Variants in ADAMTS16 observed in about 807,000 individuals in gnomAD.
The protein encoded by ADAMTS16 is ADAM metallopeptidase with thrombospondin type 1 motif 16.
Under a neutral mutation model 145.8 loss-of-function variants are expected in ADAMTS16, and 94 were observed. That is an observed-to-expected ratio of 0.64 (90% CI 0.55 to 0.77). The LOEUF is 0.77. Ranked by LOEUF, ADAMTS16 falls within the 30% of genes least tolerant of loss-of-function variation. The probability of loss-of-function intolerance (pLI) is 0.00; values close to 1 mark genes in which losing one functional copy is unlikely to be tolerated. For missense variants in ADAMTS16, 1,585 were observed against 1,591.5 expected (o/e 1.00, Z 0.07); for synonymous variants, 659 against 604.3 (o/e 1.09, Z -1.33).
chr5:5,217,926 C>T (rs1736481908), intron 10 of ADAMTS16, among the ~76,000 whole-genome samples: 1 of 152,142 alleles, frequency 6.6e-6, no homozygotes, highest in African/African-American at 2.4e-5. Flanking sequence ...CATAAGCCGC[C>T]AGAATTGCTT....
rs565962095 is a variant in ADAMTS16, at chr5:5,317,055, G to T, written c.3412-1079G>T. Reference sequence around the variant, plus strand: ...AGAGAGACCACCTCAAATGGTCTGGGTGGAGGGGCGGTGCTTTCAAATGCA... The same window carrying T: ...AGAGAGACCACCTCAAATGGTCTGGTTGGAGGGGCGGTGCTTTCAAATGCA... On this transcript the variant is annotated intron_variant, in intron 21 of 22. Transcript: ENST00000274181. The surrounding 1 kb of genome is among the most constrained non-coding windows in gnomAD (Gnocchi z 4.5). 1.3e-5 allele frequency among the ~76,000 whole-genome samples: 2 copies of T among 152,316 alleles called. No individual in the cohort carries two copies. Among genetic ancestry groups the T allele is most frequent in the Middle Eastern group, 3.4e-3 (1 of 294 alleles).
chr5:5,313,172 G>C (rs1051499112), intron 21 of ADAMTS16, among the ~76,000 whole-genome samples: 1 of 152,122 alleles, frequency 6.6e-6, no homozygotes, highest in Non-Finnish European at 1.5e-5. Flanking sequence ...ATGTTCTGAG[G>C]TTGTAACTTT....
At chr5:5,148,042 C>T (rs1252545359) in intron 3 of ADAMTS16, among the ~76,000 whole-genome samples, 1 of 151,902 alleles carries the variant, frequency 6.6e-6, no homozygotes, top group Non-Finnish European at 1.5e-5. Flanking sequence ...GAAAAGTTAA[C>T]AGTAAAGTAA....
At position 5,317,611 on chromosome 5, in the gene ADAMTS16, T is replaced by C. The variant is rs1734106978; in HGVS notation, c.3412-523T>C. On this transcript the variant is annotated intron_variant, in intron 21 of 22. Transcript: ENST00000274181. This position sits in a 1 kb window ranked among gnomAD's most constrained non-coding sequence, Gnocchi z 4.5. ...CGGGGTTTCATCATGTTGCCCAGGC[T>C]GATCTCGAACTCCTGACCTCAGGTG... Among the ~76,000 whole-genome samples, 1 of 152,140 alleles carries C rather than the reference T, an allele frequency of 6.6e-6. No homozygotes were observed. Among genetic ancestry groups the C allele is most frequent in the Non-Finnish European group, 1.5e-5 (1 of 68,034 alleles).
In ADAMTS16 at chr5:5,306,715, C is replaced by T. The variant is rs773748656; in HGVS notation, c.3398C>T (p.Ser1133Leu). 23 of 1,609,860 alleles carry T rather than the reference C, an allele frequency of 1.4e-5. No homozygotes were observed. The highest frequency in any genetic ancestry group is 1.3e-4 in the South Asian group (12 of 90,730). The change falls in exon 21 of 23, where the codon TCA becomes TTA. Residue 1133 changes from serine to leucine, a missense_variant. Coordinates refer to ENST00000274181, the MANE Select transcript of ADAMTS16 (RefSeq NM_139056.4). ...CCCTCGAGGGGCAGCTGGTTTGCCT[C>T]ACCCTGGTCTCAGGTAGGGGAGGCC... ...AGPSRGSWFA[S>L]PWSQCTASCG...
In ADAMTS16 at chr5:5,186,248, C is replaced by T; in HGVS notation, c.960C>T (p.Asn320=). The part of the protein sequence containing the change: ...NITTYVLTIL[N]MVSALFKDGT... ...CCACCTACGTGCTCACGATACTCAA[C>T]ATGGTAGGATCATCCTTCCAGTTGA... Residue 320 remains asparagine, a synonymous_variant, in exon 5 of 23, where the codon AAC becomes AAT. Transcript: ENST00000274181. 6.2e-7 allele frequency: 1 copy of T among 1,613,152 alleles called. No individual in the cohort carries two copies. Among genetic ancestry groups the T allele is most frequent in the South Asian group, 1.1e-5 (1 of 91,054 alleles).
intron 18 of ADAMTS16, among the ~76,000 whole-genome samples, chr5:5,272,804 G>C (rs1236964751): frequency 1.3e-5 from 2 of 152,184 alleles, no homozygotes; most frequent in African/African-American, 4.8e-5. Flanking sequence ...AGAATGCTTG[G>C]TGTTTTAGCA....
chr5:5,281,351 C>T (rs985092762), intron 18 of ADAMTS16, among the ~76,000 whole-genome samples: 4 of 152,180 alleles, frequency 2.6e-5, no homozygotes, highest in Non-Finnish European at 5.9e-5. Flanking sequence ...TGTATTTTAA[C>T]ACTTCGTTCC....
intron 10 of ADAMTS16, among the ~76,000 whole-genome samples, chr5:5,215,533 G>A (rs950806119): frequency 2.6e-5 from 4 of 151,596 alleles, no homozygotes; most frequent in African/African-American, 9.7e-5. Context: ...ATCATTCTTA[G>A]GCCTTTGTGT....
intron 18 of ADAMTS16, among the ~76,000 whole-genome samples, chr5:5,282,270 G>GA (rs913254666): frequency 2.7e-4 from 41 of 152,258 alleles, no homozygotes; most frequent in African/African-American, 9.1e-4. Flanking sequence ...GACACATTTA[G>GA]AAAGTTTTTA....
chr5:5,148,279 C>G (rs1006056985), intron 3 of ADAMTS16, among the ~76,000 whole-genome samples: 1 of 152,122 alleles, frequency 6.6e-6, no homozygotes, highest in Non-Finnish European at 1.5e-5. Flanking sequence ...TTAGTGTTTT[C>G]GTCATAAGAC....
Position 5,279,440 on chromosome 5 carries a change from T to C in ADAMTS16, c.2789+16657T>C, listed in dbSNP as rs570507438. 2.2e-4 allele frequency among the ~76,000 whole-genome samples: 33 copies of C among 152,334 alleles called. 1 individual carries two copies. The South Asian group carries it at 6.6e-3, about 31-fold the overall frequency. Reference sequence around the variant, plus strand: ...TTTTTTCATTTTCCTCTCCCCTTTCTGGAAGCTTTAGGGACTTTTACTTAT... The same window carrying C: ...TTTTTTCATTTTCCTCTCCCCTTTCCGGAAGCTTTAGGGACTTTTACTTAT... On this transcript the variant is annotated intron_variant, in intron 18 of 22. Transcript: ENST00000274181.
At chr5:5,270,510 C>T (rs80343833) in intron 18 of ADAMTS16, among the ~76,000 whole-genome samples, 119 of 152,278 alleles carry the variant, frequency 7.8e-4, no homozygotes, top group Non-Finnish European at 1.5e-3. Flanking sequence ...TAAATCTTGG[C>T]TATGATTATT....
intron 18 of ADAMTS16, among the ~76,000 whole-genome samples, chr5:5,281,307 G>A: frequency 6.6e-6 from 1 of 152,132 alleles, no homozygotes; most frequent in Non-Finnish European, 1.5e-5. Context: ...TTATGATGAT[G>A]ATAAAAGGTT....
At chr5:5,225,395 G>C (rs1376713571) in intron 11 of ADAMTS16, among the ~76,000 whole-genome samples, 1 of 152,172 alleles carries the variant, frequency 6.6e-6, no homozygotes, top group African/African-American at 2.4e-5. Context: ...ACGAGGTCAA[G>C]AGATCGAGAC....
chr5:5,246,815 A>T (rs1311555279), intron 17 of ADAMTS16, among the ~76,000 whole-genome samples: 2 of 152,216 alleles, frequency 1.3e-5, no homozygotes, highest in African/African-American at 2.4e-5. Context: ...TTCGGAGTGT[A>T]TAAGGACAGA....
chr5:5,168,597 A>ATG (rs70965931), intron 3 of ADAMTS16, among the ~76,000 whole-genome samples: 3 of 42,392 alleles, frequency 7.1e-5, no homozygotes, highest in Non-Finnish European at 1.4e-4. Context: ...ATTATATATA[A>ATG]TATATAATTA....
chr5:5,230,254 A>C (rs1039027257), intron 11 of ADAMTS16, among the ~76,000 whole-genome samples: 3 of 152,224 alleles, frequency 2.0e-5, no homozygotes. Context: ...TTGAATGTGG[A>C]GAGAGACATG....
At chr5:5,229,364 C>A (rs2399737) in intron 11 of ADAMTS16, among the ~76,000 whole-genome samples, 1 of 150,390 alleles carries the variant, frequency 6.6e-6, no homozygotes. Context: ...AAATAGAGAA[C>A]GTTAGGTTCC....
Sources: allele counts gnomAD v4.1 joint callset (sites outside exome capture counted in the v4.1 genomes callset), GRCh38; gene constraint gnomAD v4.1.1; non-coding constraint Gnocchi (gnomAD v3.1); transcripts MANE v1.5; gene names NCBI Gene and HGNC (gene_info 2026-07-23, HGNC 2026-07-21).